The following ANXA4 variants were observed in gnomAD, a reference collection of about 807,000 sequenced individuals.
ANXA4 encodes the protein 35-beta calcimedin.
In ANXA4, 39 loss-of-function variants were observed where a neutral mutation model predicts 49.8. That is an observed-to-expected ratio of 0.78 (90% CI 0.61 to 1.02). The LOEUF is 1.02. ANXA4 is among the 50% of genes least tolerant of loss of function. The probability of loss-of-function intolerance (pLI) is 0.00; values close to 1 mark genes in which losing one functional copy is unlikely to be tolerated. For synonymous variants in ANXA4, 134 were observed against 152.5 expected, an observed-to-expected ratio of 0.88 and a Z score of 0.89; for missense variants, 360 against 410.1, an observed-to-expected ratio of 0.88 and a Z score of 1.05.
chr2:69,647,342 T>C (rs1289415166), intron 1 of ANXA4, among the ~76,000 whole-genome samples: 1 of 151,832 alleles, frequency 6.6e-6, no homozygotes, highest in Non-Finnish European at 1.5e-5. Flanking sequence ...ATGCCAGTTA[T>C]GGAATTTAAA....
chr2:69,684,589 C>T (rs1257337351), intron 2 of ANXA4, among the ~76,000 whole-genome samples: 2 of 148,066 alleles, frequency 1.4e-5, no homozygotes, highest in East Asian at 2.1e-4. Flanking sequence ...TCAGGAGGTT[C>T]CAGTGGGAGG....
intron 3 of ANXA4, among the ~76,000 whole-genome samples, chr2:69,802,256 T>C (rs974904916): frequency 6.6e-6 from 1 of 152,202 alleles, no homozygotes; most frequent in African/African-American, 2.4e-5. Flanking sequence ...TTAAGAATAC[T>C]AGTTAGCAGA....
intron 1 of ANXA4, among the ~76,000 whole-genome samples, chr2:69,748,417 A>G (rs1363013697): frequency 6.6e-6 from 1 of 151,524 alleles, no homozygotes; most frequent in Non-Finnish European, 1.5e-5. Flanking sequence ...GAAAAGGCAC[A>G]CATGCGGAAA....
At chr2:69,643,907 G>A, upstream of ANXA4, 1 of 1,162,108 alleles carries the variant, frequency 8.6e-7, no homozygotes, top group Non-Finnish European at 1.1e-6. Context: ...CGCGAGAAGA[G>A]GACTGGGGGA....
chr2:69,710,304 T>G (rs1482346238), intron 2 of ANXA4, among the ~76,000 whole-genome samples: 1 of 152,178 alleles, frequency 6.6e-6, no homozygotes, highest in Admixed American at 6.5e-5. Flanking sequence ...GCTTTTTAAA[T>G]GCATTGCTGA....
intron 3 of ANXA4, among the ~76,000 whole-genome samples, chr2:69,724,231 C>CA (rs1336721371): frequency 6.6e-6 from 1 of 152,250 alleles, no homozygotes; most frequent in Non-Finnish European, 1.5e-5. Flanking sequence ...TGTGCCCCAT[C>CA]TCCTAGAAAC....
At chr2:69,718,993 TTG>T (rs1669743980) in intron 2 of ANXA4, among the ~76,000 whole-genome samples, 8 of 151,462 alleles carry the variant, frequency 5.3e-5, no homozygotes, top group East Asian at 2.0e-4. Context: ...TTTTTTTTTT[TTG>T]TGACTGAGTC....
intron 6 of ANXA4, 104 bp from the exon 7 acceptor site, chr2:69,810,490 T>C: frequency 1.1e-6 from 1 of 911,516 alleles, no homozygotes; most frequent in Non-Finnish European, 1.8e-6. Flanking sequence ...GATAAGCTGC[T>C]TCCATAAGCA....
chr2:69,707,616 G>C (rs777719174), intron 2 of ANXA4, among the ~76,000 whole-genome samples: 2 of 152,124 alleles, frequency 1.3e-5, no homozygotes, highest in Non-Finnish European at 2.9e-5. Flanking sequence ...TACATAGTAG[G>C]TGTATTTATT....
At chr2:69,804,137 CAAAAAAAAAAAA>C in intron 3 of ANXA4, among the ~76,000 whole-genome samples, 1 of 88,860 alleles carries the variant, frequency 1.1e-5, no homozygotes, top group Admixed American at 9.9e-5. Context: ...GACTTTCTCT[CAAAAAAAAAAAA>C]AAAAAAAAAA....
chr2:69,769,790 G>C (rs1671639025), intron 1 of ANXA4, among the ~76,000 whole-genome samples: 1 of 152,168 alleles, frequency 6.6e-6, no homozygotes, highest in Non-Finnish European at 1.5e-5. Flanking sequence ...AGACTCCCGG[G>C]TAGCTGGGAT....
At chr2:69,645,603 T>C (rs1007678352) in intron 1 of ANXA4, among the ~76,000 whole-genome samples, 1 of 152,204 alleles carries the variant, frequency 6.6e-6, no homozygotes, top group African/African-American at 2.4e-5. Context: ...ACCAGACTAG[T>C]CCAGGCTTAC....
chr2:69,713,459 A>G (rs1678746039), intron 2 of ANXA4, among the ~76,000 whole-genome samples: 1 of 152,208 alleles, frequency 6.6e-6, no homozygotes, highest in Admixed American at 6.5e-5. Context: ...CCTGAATTGT[A>G]GTATGTGCCA....
At chr2:69,685,677 AG>A (rs1247744943) in intron 2 of ANXA4, among the ~76,000 whole-genome samples, 2 of 152,250 alleles carry the variant, frequency 1.3e-5, no homozygotes, top group Non-Finnish European at 2.9e-5. Flanking sequence ...ATGAGGTCTA[AG>A]GAATTAAATC....
rs187975858 is a variant in ANXA4 at position 69,709,352 on chromosome 2, A to G, written n.767-11422A>G. Among the ~76,000 whole-genome samples, 4 of 152,188 alleles carry G rather than the reference A, an allele frequency of 2.6e-5. No individual in the cohort carries two copies. In the East Asian group the frequency reaches 7.7e-4, roughly 29 times the overall value. On this transcript the variant is annotated intron_variant and non_coding_transcript_variant, in intron 2 of 3. Transcript: ENST00000418066. Reference sequence around the variant, plus strand: ...GCTTAGCCTCTCTATTCTTCCCTCCATTTCCTCTTTCCATTCCCACCTTTC... The same window carrying G: ...GCTTAGCCTCTCTATTCTTCCCTCCGTTTCCTCTTTCCATTCCCACCTTTC...
intron 3 of ANXA4, among the ~76,000 whole-genome samples, chr2:69,791,870 T>C (rs978940032): frequency 2.6e-5 from 4 of 152,198 alleles, no homozygotes; most frequent in Admixed American, 2.6e-4. Context: ...ACAAAGAAAT[T>C]TGGTTATTTT....
At chr2:69,694,315 C>T (rs900697735) in intron 2 of ANXA4, among the ~76,000 whole-genome samples, 1 of 151,486 alleles carries the variant, frequency 6.6e-6, no homozygotes, top group Non-Finnish European at 1.5e-5. Flanking sequence ...CACCAGATAC[C>T]ACATCCGTTG....
At chr2:69,799,049 G>A (rs1380638679) in intron 3 of ANXA4, among the ~76,000 whole-genome samples, 3 of 152,180 alleles carry the variant, frequency 2.0e-5, no homozygotes, top group African/African-American at 7.2e-5. Context: ...GGGAGGAGGG[G>A]CCTCATGAGG....
intron 3 of ANXA4, among the ~76,000 whole-genome samples, chr2:69,790,474 A>C (rs1422960849): frequency 2.6e-5 from 4 of 152,184 alleles, no homozygotes; most frequent in Non-Finnish European, 2.9e-5. Flanking sequence ...GGAGGTTTAG[A>C]ATATAGGTTC....
Sources: gnomAD v4.1 joint callset for allele counts (sites outside exome capture counted in the v4.1 genomes callset) on GRCh38, gnomAD v4.1.1 for gene constraint, MANE v1.5 for transcripts, NCBI Gene and HGNC (gene_info 2026-07-23, HGNC 2026-07-21) for gene names.